PACSIN1: variants seen among roughly 807,000 people sequenced by gnomAD.
PACSIN1 encodes protein kinase C and casein kinase substrate in neurons 1, also known as protein kinase C and casein kinase substrate in neurons protein 1.
PACSIN1 carries 15 observed loss-of-function variants against 59.5 expected under a neutral mutation model. The ratio of observed to expected loss-of-function variants is 0.25; its 90% CI spans 0.17 to 0.39. The LOEUF is 0.39. Among genes scored for constraint, PACSIN1 ranks in the 10% least tolerant of loss-of-function variants. The pLI, the probability that PACSIN1 is intolerant of heterozygous loss-of-function variation, is 1.00. For missense variants in PACSIN1, 420 were observed against 580.2 expected, an observed-to-expected ratio of 0.72 and a Z score of 2.84; for synonymous variants, 210 against 220.6, an observed-to-expected ratio of 0.95 and a Z score of 0.42.
chr6:34,479,072 G>A (rs1169754812), intron 1 of PACSIN1, among the ~76,000 whole-genome samples: 2 of 152,136 alleles, frequency 1.3e-5, no homozygotes, highest in Admixed American at 6.5e-5. Flanking sequence ...CAGCAAGGTG[G>A]CATTAACCTA....
At chr6:34,484,358 C>A (rs1164003291) in intron 1 of PACSIN1, among the ~76,000 whole-genome samples, 7 of 152,088 alleles carry the variant, frequency 4.6e-5, no homozygotes, top group Non-Finnish European at 4.4e-5. Context: ...GAAAAGGCCT[C>A]ACACTGTATG....
intron 1 of PACSIN1, among the ~76,000 whole-genome samples, chr6:34,493,909 C>A (rs1766912215): frequency 6.6e-6 from 1 of 152,242 alleles, no homozygotes; most frequent in South Asian, 2.1e-4. Context: ...CACTAGGAAG[C>A]AGCTGCTTTG....
At position 34,533,998 on chromosome 6, in the gene PACSIN1, G is replaced by A. The variant is rs942931978; in HGVS notation, c.*1468G>A. On this transcript the variant is annotated 3_prime_UTR_variant, in exon 10 of 10. Transcript: ENST00000244458. ...GTCTCTTGGGGACCTCTGGGGCAAG[G>A]AGCTGAGAAGTCCTGCAGCACCAGG... 3 of 152,390 alleles carry A rather than the reference G, an allele frequency of 2.0e-5. No homozygotes were observed. The highest frequency in any genetic ancestry group is 7.2e-5 in the African/African-American group (3 of 41,448). The allele number at this position is 152,390 out of a possible 1,614,324, so 9.4% of individuals were successfully genotyped here.
chr6:34,466,770 G>T (rs1766502797), intron 1 of PACSIN1, among the ~76,000 whole-genome samples: 1 of 152,186 alleles, frequency 6.6e-6, no homozygotes, highest in Non-Finnish European at 1.5e-5. Flanking sequence ...ATGGGAGCGG[G>T]GAGGGGGGAG....
rs1177694382 is a variant in PACSIN1 at position 34,485,027 on chromosome 6, A to T, written c.-64+18757A>T. Reference sequence around the variant, plus strand: ...CAGGAAGCCGCAGGTGCTAGCCCCGACTCAGGGAAGAGGAAGCACAGGGGG... The same window carrying T: ...CAGGAAGCCGCAGGTGCTAGCCCCGTCTCAGGGAAGAGGAAGCACAGGGGG... On this transcript the variant is annotated intron_variant, in intron 1 of 9. Transcript: ENST00000244458. The T allele has an allele frequency of 5.3e-5, 8 of 151,860 alleles. No individual in the cohort carries two copies. In the East Asian group the frequency reaches 1.4e-3, roughly 26 times the overall value. The allele number at this position is 151,860 out of a possible 1,614,324, so 9.4% of individuals were successfully genotyped here.
At chr6:34,496,475 G>T (rs187686492) in intron 1 of PACSIN1, among the ~76,000 whole-genome samples, 55 of 152,302 alleles carry the variant, frequency 3.6e-4, no homozygotes, top group Non-Finnish European at 6.9e-4. Flanking sequence ...GAGGCTGCTC[G>T]GCCTCCTCCT....
At chr6:34,477,535 G>A (rs1281412995) in intron 1 of PACSIN1, among the ~76,000 whole-genome samples, 6 of 152,026 alleles carry the variant, frequency 3.9e-5, no homozygotes, top group Non-Finnish European at 7.4e-5. Flanking sequence ...GGCCCCTGAG[G>A]GCTCTGGCCA....
At chr6:34,480,071 C>A (rs529947274) in intron 1 of PACSIN1, among the ~76,000 whole-genome samples, 1 of 151,942 alleles carries the variant, frequency 6.6e-6, no homozygotes, top group East Asian at 1.9e-4. Context: ...GGTGATCCAC[C>A]CACCTCGGCC....
intron 1 of PACSIN1, among the ~76,000 whole-genome samples, chr6:34,479,672 A>C (rs1391609539): frequency 6.6e-6 from 1 of 151,640 alleles, no homozygotes; most frequent in African/African-American, 2.4e-5. Flanking sequence ...CCCGGGCTGG[A>C]CTTGAACTCC....
In PACSIN1 at chr6:34,472,853, T is replaced by C. The variant is rs188411860; in HGVS notation, c.-64+6583T>C. Among the ~76,000 whole-genome samples, 1,132 of 152,150 alleles carry C rather than the reference T, an allele frequency of 7.4e-3. 11 individuals are homozygous for C. The highest frequency in any genetic ancestry group is 0.017 in the African/African-American group (710 of 41,512). ...GTGGTTGTGTAGCACTGGGGAGTCT[T>C]GTAGGGGCACAAAGGAGGGGCCGGG... On this transcript the variant is annotated intron_variant, in intron 1 of 9. Transcript: ENST00000244458.
intron 1 of PACSIN1, among the ~76,000 whole-genome samples, chr6:34,510,439 C>T (rs1358643380): frequency 6.6e-6 from 1 of 152,216 alleles, no homozygotes; most frequent in Non-Finnish European, 1.5e-5. Context: ...TCGTTTGCCA[C>T]CTCTCTCTGT....
At chr6:34,494,322 C>T (rs570473756) in intron 1 of PACSIN1, among the ~76,000 whole-genome samples, 20 of 152,306 alleles carry the variant, frequency 1.3e-4, no homozygotes, top group Admixed American at 1.0e-3. Flanking sequence ...ATTCCCAGAG[C>T]TCTCTGTGCT....
intron 1 of PACSIN1, among the ~76,000 whole-genome samples, chr6:34,504,374 C>A (rs550840691): frequency 6.6e-6 from 1 of 151,168 alleles, no homozygotes; most frequent in East Asian, 1.9e-4. Flanking sequence ...TCACTGCAAC[C>A]TCTGCCTCCG....
chr6:34,478,114 C>T (rs969470014), intron 1 of PACSIN1, among the ~76,000 whole-genome samples: 5 of 148,718 alleles, frequency 3.4e-5, no homozygotes, highest in Admixed American at 6.8e-5. Context: ...GGCTGGAGCA[C>T]AGTGGCGCGA....
In PACSIN1 at chr6:34,479,169, T is replaced by G. The variant is rs570920747; in HGVS notation, c.-64+12899T>G. Among the ~76,000 whole-genome samples the G allele has an allele frequency of 2.6e-5, 4 of 152,250 alleles. No individual in the cohort carries two copies. In the South Asian group the frequency reaches 6.2e-4, roughly 24 times the overall value. ...CCACATTGGGAATCAGATTTCAACA[T>G]GTGTTTTGGAGGGGACACACTCAAA... On this transcript the variant is annotated intron_variant, in intron 1 of 9. Coordinates refer to ENST00000244458, the MANE Select transcript of PACSIN1 (RefSeq NM_020804.5).
chr6:34,528,462 C>G (rs11755909), intron 3 of PACSIN1, among the ~76,000 whole-genome samples, 180 bp from the exon 4 acceptor site: 1 of 152,274 alleles, frequency 6.6e-6, no homozygotes, highest in East Asian at 1.9e-4. Flanking sequence ...GCAGAGCAGT[C>G]AGGGAAGGCT....
intron 1 of PACSIN1, among the ~76,000 whole-genome samples, chr6:34,510,170 C>T (rs1209060090): frequency 6.6e-6 from 1 of 152,256 alleles, no homozygotes; most frequent in Non-Finnish European, 1.5e-5. Context: ...CATTCTTGGA[C>T]GTGCGTTTTC....
intron 1 of PACSIN1, among the ~76,000 whole-genome samples, chr6:34,500,510 A>G (rs1055142674): frequency 1.3e-5 from 2 of 152,186 alleles, no homozygotes; most frequent in Non-Finnish European, 2.9e-5. Context: ...GTCAACTTGG[A>G]TGTGCTGTCA....
At chr6:34,474,058 C>G (rs1766606144) in intron 1 of PACSIN1, among the ~76,000 whole-genome samples, 1 of 152,192 alleles carries the variant, frequency 6.6e-6, no homozygotes, top group Non-Finnish European at 1.5e-5. Flanking sequence ...CTCTTTCAAT[C>G]CACAGTTCTC....
Sources: allele counts gnomAD v4.1 joint callset (sites outside exome capture counted in the v4.1 genomes callset), GRCh38; gene constraint gnomAD v4.1.1; transcripts MANE v1.5; gene names NCBI Gene and HGNC (gene_info 2026-07-23, HGNC 2026-07-21).